Variants in FAM168B observed in about 807,000 individuals in gnomAD.
The protein encoded by FAM168B is myelin-associated neurite-outgrowth inhibitor.
FAM168B carries 19 observed loss-of-function variants against 21.8 expected under a neutral mutation model. The ratio of observed to expected loss-of-function variants is 0.87; its 90% CI spans 0.61 to 1.28. The LOEUF is 1.28. Ranked by LOEUF, FAM168B falls within the 50% of genes most tolerant of loss-of-function variation. The probability of loss-of-function intolerance (pLI) is 0.00; values close to 1 mark genes in which losing one functional copy is unlikely to be tolerated. For missense variants in FAM168B, 233 were observed against 263.1 expected, an observed-to-expected ratio of 0.89 and a Z score of 0.79; for synonymous variants, 126 against 104.8, an observed-to-expected ratio of 1.20 and a Z score of -1.24.
Position 131,051,831 on chromosome 2 carries a change from C to G in FAM168B, c.*634G>C. 1 of 985,442 alleles carries G rather than the reference C, an allele frequency of 1.0e-6. No individual in the cohort carries two copies. Among genetic ancestry groups the G allele is most frequent in the Non-Finnish European group, 1.2e-6 (1 of 829,952 alleles). 61.0% of individuals were successfully genotyped at this position (985,442 alleles called of 1,614,324 possible). On this transcript the variant is annotated 3_prime_UTR_variant, in exon 7 of 7. Transcript: ENST00000389915. ...GGGATGTCCATGAACCAGCTGCACCCAAGCAGCTGTGGCTTCCCTACTCTC... is the reference window on the plus strand; with the variant it reads ...GGGATGTCCATGAACCAGCTGCACCGAAGCAGCTGTGGCTTCCCTACTCTC...
intron 3 of FAM168B, among the ~76,000 whole-genome samples, chr2:131,064,801 A>AT (rs1432361175): frequency 6.6e-6 from 1 of 152,212 alleles, no homozygotes; most frequent in African/African-American, 2.4e-5. Context: ...ACCAGTCCAG[A>AT]TAAGAGAGAG....
rs1691712638 is a variant in FAM168B at position 131,052,079 on chromosome 2, T to C, written c.*386A>G. The C allele has an allele frequency of 2.0e-6, 2 of 985,694 alleles. No homozygotes were observed. Among genetic ancestry groups the C allele is most frequent in the African/African-American group, 1.7e-5 (1 of 57,250 alleles). The allele number at this position is 985,694 out of a possible 1,614,324, so 61.1% of individuals were successfully genotyped here. ...TGCATTAGTGATACAAGTTGTAAAA[T>C]ACGTTTCCATTCCTTTGGATTTTGC... On this transcript the variant is annotated 3_prime_UTR_variant, in exon 7 of 7. Transcript: ENST00000389915.
chr2:131,088,579 G>A (rs1693839104), intron 1 of FAM168B, among the ~76,000 whole-genome samples: 1 of 152,106 alleles, frequency 6.6e-6, no homozygotes, highest in African/African-American at 2.4e-5. Context: ...GTATCAGCTG[G>A]TATGAAACAA....
At position 131,052,236 on chromosome 2, in the gene FAM168B, A is replaced by C. The variant is rs2105449723; in HGVS notation, c.*229T>G. On this transcript the variant is annotated 3_prime_UTR_variant, in exon 7 of 7. Coordinates refer to ENST00000389915, the MANE Select transcript of FAM168B (RefSeq NM_001009993.4). ...CCCTTTTTATCATTACAGTTAGCTA[A>C]AAAATTGCCAGGCAGTCCACAAAAC... The C allele has an allele frequency of 1.0e-6, 1 of 985,904 alleles. No individual in the cohort carries two copies. The highest frequency in any genetic ancestry group is 1.2e-6 in the Non-Finnish European group (1 of 829,956). The allele number at this position is 985,904 out of a possible 1,614,324, so 61.1% of individuals were successfully genotyped here. A position where few individuals can be genotyped will look rare whatever the true frequency, so the allele number is the denominator to read the frequency against.
At chr2:131,076,443 C>T (rs1434053353) in intron 2 of FAM168B, among the ~76,000 whole-genome samples, 3 of 151,790 alleles carry the variant, frequency 2.0e-5, no homozygotes, top group East Asian at 3.9e-4. Flanking sequence ...AGGTGGATCA[C>T]GAGGTCAGGA....
In FAM168B at chr2:131,051,964, G is replaced by A. The variant is rs1691705704; in HGVS notation, c.*501C>T. 1.0e-6 allele frequency: 1 copy of A among 985,406 alleles called. No individual in the cohort carries two copies. Among genetic ancestry groups the A allele is most frequent in the Admixed American group, 6.1e-5 (1 of 16,270 alleles). 61.0% of individuals were successfully genotyped at this position (985,406 alleles called of 1,614,324 possible). On this transcript the variant is annotated 3_prime_UTR_variant, in exon 7 of 7. Transcript: ENST00000389915. ...TGGCAACCCACATCAACCCCAAAAG[G>A]TTGAAGAATCATCTAAGATATTTCA...
intron 3 of FAM168B, among the ~76,000 whole-genome samples, chr2:131,070,707 C>T (rs540489340): frequency 1.3e-5 from 2 of 152,134 alleles, no homozygotes; most frequent in South Asian, 4.2e-4. Context: ...TTCCATACAA[C>T]AAAATACTAC....
rs757398647 is a variant in FAM168B at position 131,055,735 on chromosome 2, G to T, written c.155-40C>A. ...GCAATGGCCTGAGTTCACCCAAGCC[G>T]GTCCAGGCGCAGGGAGAGGACACAG... On this transcript the variant is annotated intron_variant, in intron 3 of 6. Coordinates refer to ENST00000389915, the MANE Select transcript of FAM168B (RefSeq NM_001009993.4). 3.1e-6 allele frequency: 5 copies of T among 1,602,376 alleles called. No homozygotes were observed. The East Asian group carries it at 1.1e-4, about 36-fold the overall frequency.
At chr2:131,057,500 T>C (rs572835523) in intron 3 of FAM168B, among the ~76,000 whole-genome samples, 2 of 152,300 alleles carry the variant, frequency 1.3e-5, no homozygotes, top group African/African-American at 4.8e-5. Context: ...AAGAAAGCGT[T>C]CTGGGATGAT....
intron 2 of FAM168B, among the ~76,000 whole-genome samples, chr2:131,073,142 G>T (rs890815636): frequency 1.3e-5 from 2 of 151,878 alleles, no homozygotes; most frequent in African/African-American, 4.8e-5. Flanking sequence ...GCCTACGCTG[G>T]AGTGCAGTGG....
chr2:131,055,783 G>C, intron 3 of FAM168B, 88 bp from the exon 4 acceptor site: 1 of 1,507,974 alleles, frequency 6.6e-7, no homozygotes. Flanking sequence ...TAAGCTGCGT[G>C]TCAGCCCCAC....
intron 1 of FAM168B, among the ~76,000 whole-genome samples, chr2:131,092,804 A>C (rs935473492): frequency 6.6e-6 from 1 of 152,082 alleles, no homozygotes; most frequent in Non-Finnish European, 1.5e-5. Context: ...GATTCCGCCA[A>C]GCAAAAAAAT....
intron 3 of FAM168B, among the ~76,000 whole-genome samples, chr2:131,060,216 G>C (rs1692224230): frequency 6.6e-6 from 1 of 152,100 alleles, no homozygotes; most frequent in South Asian, 2.1e-4. Context: ...AGTAGAGATG[G>C]GGTTTCACCA....
chr2:131,053,546 T>C (rs1041208285), intron 5 of FAM168B, among the ~76,000 whole-genome samples: 5 of 152,152 alleles, frequency 3.3e-5, no homozygotes, highest in Admixed American at 3.3e-4. Flanking sequence ...TTCACAACAA[T>C]GTGAATATAC....
chr2:131,092,360 C>T (rs909144373), intron 1 of FAM168B, among the ~76,000 whole-genome samples: 2 of 151,594 alleles, frequency 1.3e-5, no homozygotes, highest in African/African-American at 4.9e-5. Context: ...AAATAACCCA[C>T]TCCTTCATCT....
Position 131,050,977 on chromosome 2 carries a change from G to A in FAM168B, c.*1488C>T, listed in dbSNP as rs899283117. ...ACATGCACTCTCATGGATACAGGAC[G>A]GGCATATTTTGGGGGCGGGGTGGAG... On this transcript the variant is annotated 3_prime_UTR_variant, in exon 7 of 7. Transcript: ENST00000389915. The A allele has an allele frequency of 1.1e-4, 106 of 985,174 alleles. No individual in the cohort carries two copies. Among genetic ancestry groups the A allele is most frequent in the African/African-American group, 1.2e-4 (7 of 57,080 alleles). 61.0% of individuals were successfully genotyped at this position (985,174 alleles called of 1,614,324 possible).
At position 131,048,328 on chromosome 2, in the gene FAM168B, G is replaced by A. The variant is rs1480986308; in HGVS notation, c.*4137C>T. On this transcript the variant is annotated 3_prime_UTR_variant, in exon 7 of 7. Coordinates refer to ENST00000389915, the MANE Select transcript of FAM168B (RefSeq NM_001009993.4). ...TGCCTTGCCCACTGGTCTGCACAGG[G>A]ACTCATGGGCACAGCCTGTGGTGAG... 2 of 1,303,730 alleles carry A rather than the reference G, an allele frequency of 1.5e-6. No individual in the cohort carries two copies. Among genetic ancestry groups the A allele is most frequent in the Non-Finnish European group, 2.0e-6 (2 of 988,678 alleles). 80.8% of individuals were successfully genotyped at this position (1,303,730 alleles called of 1,614,324 possible).
At chr2:131,054,164 A>G (rs950953498) in intron 5 of FAM168B, among the ~76,000 whole-genome samples, 4 of 151,642 alleles carry the variant, frequency 2.6e-5, no homozygotes, top group Non-Finnish European at 4.4e-5. Flanking sequence ...AGCTGAGATC[A>G]CACCACTGCA....
chr2:131,083,563 T>C (rs1401987475), intron 1 of FAM168B, among the ~76,000 whole-genome samples: 6 of 152,168 alleles, frequency 3.9e-5, no homozygotes. Flanking sequence ...GGGAAAACCC[T>C]ACAAGTAACC....
Sources: gnomAD v4.1 joint callset for allele counts (sites outside exome capture counted in the v4.1 genomes callset) on GRCh38, gnomAD v4.1.1 for gene constraint, MANE v1.5 for transcripts, NCBI Gene and HGNC (gene_info 2026-07-23, HGNC 2026-07-21) for gene names.